The following GRIA4 variants were observed in gnomAD, a reference collection of about 807,000 sequenced individuals.
The protein encoded by GRIA4 is glutamate receptor 4.
Under a neutral mutation model 104.0 loss-of-function variants are expected in GRIA4, and 34 were observed. The observed-to-expected ratio is 0.33, with a 90% CI of 0.25 to 0.44. The LOEUF is 0.44. GRIA4 is among the 20% of genes least tolerant of loss of function. The probability of loss-of-function intolerance (pLI) is 1.00; values close to 1 mark genes in which losing one functional copy is unlikely to be tolerated. For missense variants in GRIA4, 750 were observed against 1,096.5 expected (o/e 0.68, Z 4.46); for synonymous variants, 386 against 381.9 (o/e 1.01, Z -0.13).
At chr11:105,673,273 TTAAC>T (rs1205934696) in intron 3 of GRIA4, among the ~76,000 whole-genome samples, 1 of 152,068 alleles carries the variant, frequency 6.6e-6, no homozygotes, top group Non-Finnish European at 1.5e-5. Flanking sequence ...CAAGAAGAAA[TTAAC>T]TAACAGAAGC....
At chr11:105,686,734 C>T (rs1040408309) in intron 3 of GRIA4, among the ~76,000 whole-genome samples, 1 of 152,144 alleles carries the variant, frequency 6.6e-6, no homozygotes, top group South Asian at 2.1e-4. Flanking sequence ...TCATCAGCCT[C>T]TGTTGTCTTT....
At chr11:105,698,302 T>C (rs1347156121) in intron 3 of GRIA4, among the ~76,000 whole-genome samples, 1 of 152,206 alleles carries the variant, frequency 6.6e-6, no homozygotes, top group East Asian at 1.9e-4. Context: ...ATTATTGTTT[T>C]AGGCATCATA....
intron 4 of GRIA4, among the ~76,000 whole-genome samples, chr11:105,770,727 A>G (rs1225033263): frequency 6.6e-6 from 1 of 152,014 alleles, no homozygotes; most frequent in East Asian, 1.9e-4. Flanking sequence ...CCCAAAGCCC[A>G]TATTCCAAAG....
intron 5 of GRIA4, among the ~76,000 whole-genome samples, chr11:105,880,013 A>G (rs1591388037): frequency 6.6e-6 from 1 of 152,164 alleles, no homozygotes; most frequent in Non-Finnish European, 1.5e-5. Flanking sequence ...TTGTTTATGA[A>G]AGGAAGGAAT....
At chr11:105,613,965 T>A (rs1179306145) in intron 3 of GRIA4, 3 of 152,000 alleles carry the variant, frequency 2.0e-5, no homozygotes, top group South Asian at 2.1e-4. Flanking sequence ...TTTGTAAAAT[T>A]TCTCAGTTAA....
intron 14 of GRIA4, among the ~76,000 whole-genome samples, chr11:105,961,069 C>T (rs1319503101): frequency 6.6e-6 from 1 of 152,136 alleles, no homozygotes; most frequent in African/African-American, 2.4e-5. Context: ...TTGGCCCCGC[C>T]CATCCGATCT....
At chr11:105,622,793 G>T (rs1049102909) in intron 3 of GRIA4, among the ~76,000 whole-genome samples, 1 of 151,460 alleles carries the variant, frequency 6.6e-6, no homozygotes, top group Non-Finnish European at 1.5e-5. Flanking sequence ...CCTGAATAAC[G>T]TGCATTGCAC....
chr11:105,941,344 A>G (rs1201314330), intron 14 of GRIA4, among the ~76,000 whole-genome samples: 1 of 152,186 alleles, frequency 6.6e-6, no homozygotes, highest in East Asian at 1.9e-4. Flanking sequence ...ACTTTCAAAA[A>G]CTTTGTGAAG....
At chr11:105,721,716 T>C (rs980362956) in intron 3 of GRIA4, among the ~76,000 whole-genome samples, 4 of 152,162 alleles carry the variant, frequency 2.6e-5, no homozygotes, top group Non-Finnish European at 5.9e-5. Flanking sequence ...AACTTTATAT[T>C]ATCTCCCTTC....
intron 14 of GRIA4, among the ~76,000 whole-genome samples, chr11:105,941,896 T>G (rs1948188328): frequency 6.6e-6 from 1 of 152,086 alleles, no homozygotes; most frequent in African/African-American, 2.4e-5. Flanking sequence ...TATTTCATTT[T>G]GTAATAATAA....
chr11:105,625,420 C>T (rs80144670), intron 3 of GRIA4, among the ~76,000 whole-genome samples: 5,508 of 152,124 alleles, frequency 0.036, 137 homozygotes, highest in Non-Finnish European at 0.048. Context: ...GACTCACACT[C>T]GTCACATTTT....
chr11:105,665,909 T>C (rs973984088), intron 3 of GRIA4, among the ~76,000 whole-genome samples: 1 of 152,086 alleles, frequency 6.6e-6, no homozygotes, highest in Non-Finnish European at 1.5e-5. Flanking sequence ...TATACTTGCT[T>C]GCTTGCTTGC....
chr11:105,961,036 G>T (rs956026454), intron 14 of GRIA4, among the ~76,000 whole-genome samples: 4 of 152,068 alleles, frequency 2.6e-5, no homozygotes, highest in African/African-American at 9.7e-5. Context: ...GCCTCTGAAC[G>T]CCACAGCTTC....
chr11:105,848,457 T>C (rs951416588), intron 4 of GRIA4, among the ~76,000 whole-genome samples: 3 of 152,216 alleles, frequency 2.0e-5, no homozygotes, highest in African/African-American at 7.2e-5. Flanking sequence ...ATACACTTTT[T>C]CTGTCCCCAG....
At chr11:105,692,151 C>T (rs749374376) in intron 3 of GRIA4, among the ~76,000 whole-genome samples, 68 of 151,324 alleles carry the variant, frequency 4.5e-4, no homozygotes, top group Non-Finnish European at 7.7e-4. Context: ...ACAGTGACGA[C>T]AACAATGATG....
chr11:105,981,890 A>T lies in GRIA4; in HGVS notation c.*2151A>T, dbSNP rs1368533998. ...ACCCCCCTGCCTGTGAGACTGAGTT[A>T]GGTGCCCTTTTTCATGTCTTTCCCC... is the stretch of plus-strand genomic sequence containing the variant. On this transcript the variant is annotated 3_prime_UTR_variant, in exon 17 of 17. Transcript: ENST00000282499. The T allele has an allele frequency of 2.6e-5, 4 of 152,676 alleles. No homozygotes were observed. The highest frequency in any genetic ancestry group is 9.7e-5 in the African/African-American group (4 of 41,400). 9.5% of individuals were successfully genotyped at this position (152,676 alleles called of 1,614,324 possible). A position where few individuals can be genotyped will look rare whatever the true frequency, so the allele number is the denominator to read the frequency against.
chr11:105,782,220 A>G (rs558836366), intron 4 of GRIA4, among the ~76,000 whole-genome samples: 23 of 152,352 alleles, frequency 1.5e-4, no homozygotes, highest in African/African-American at 5.3e-4. Context: ...CTAGATATTT[A>G]CTAATGAATC....
chr11:105,635,085 G>A (rs933044441), intron 3 of GRIA4, among the ~76,000 whole-genome samples: 2 of 152,066 alleles, frequency 1.3e-5, no homozygotes, highest in African/African-American at 4.8e-5. Context: ...TAAGTGTATT[G>A]ACAGTTAAAA....
chr11:105,791,458 A>G lies in GRIA4; in HGVS notation c.487+38238A>G, dbSNP rs77067367. ...TAATTAATTTTTTAAGTTGAAAAAT[A>G]TTACAGATGCATTATACATGTGGGG... On this transcript the variant is annotated intron_variant, in intron 4 of 16. Transcript: ENST00000282499. Among the ~76,000 whole-genome samples the G allele has an allele frequency of 3.9e-3, 594 of 152,308 alleles. 4 individuals carry two copies. The highest frequency in any genetic ancestry group is 6.8e-3 in the Non-Finnish European group (463 of 68,030).
Sources: allele counts gnomAD v4.1 joint callset (sites outside exome capture counted in the v4.1 genomes callset), GRCh38; gene constraint gnomAD v4.1.1; transcripts MANE v1.5; gene names NCBI Gene and HGNC (gene_info 2026-07-23, HGNC 2026-07-21).